Variants in FER1L5 observed in about 807,000 individuals in gnomAD.
FER1L5 encodes fer-1-like protein 5.
Under a neutral mutation model 279.9 loss-of-function variants are expected in FER1L5, and 187 were observed. That is an observed-to-expected ratio of 0.67 (90% CI 0.59 to 0.75). The LOEUF is 0.75. Ranked by LOEUF, FER1L5 falls within the 30% of genes least tolerant of loss-of-function variation. The pLI is 0.00. For missense variants in FER1L5, 2,091 were observed against 2,594.4 expected, an observed-to-expected ratio of 0.81 and a Z score of 4.21; for synonymous variants, 921 against 989.7, an observed-to-expected ratio of 0.93 and a Z score of 1.30.
intron 14 of FER1L5, among the ~76,000 whole-genome samples, chr2:96,665,026 TCGC>T: frequency 6.6e-6 from 1 of 152,306 alleles, no homozygotes; most frequent in Non-Finnish European, 1.5e-5. Flanking sequence ...CTGATTTTGA[TCGC>T]CTTTCAATCT....
intron 12 of FER1L5, 99 bp from the exon 13 acceptor site, chr2:96,662,116 A>C: frequency 7.9e-7 from 1 of 1,261,570 alleles, no homozygotes; most frequent in Admixed American, 2.0e-5. Flanking sequence ...GCACCCCTCT[A>C]AATTATAGGG....
chr2:96,659,510 G>T (rs1043708069), intron 9 of FER1L5, among the ~76,000 whole-genome samples: 8 of 14,330 alleles, frequency 5.6e-4, no homozygotes, highest in South Asian at 8.2e-3. Context: ...TCTTTCTTTC[G>T]AGACAGAGTC....
Position 96,650,283 on chromosome 2 carries a change from C to G in FER1L5, c.498C>G (p.His166Gln). ...GGGCTCTGTCCTCAAAGCCTCAGCA[C>G]TTTCAGGTGAGGACCTTCCAGGTTG... ...AHRALSSKPQHFQVRVKVFEA... is the reference protein window; with the variant it reads ...AHRALSSKPQQFQVRVKVFEA... Residue 166 changes from histidine (H) to glutamine (Q), a missense_variant, in exon 6 of 53, where the codon CAC (histidine) becomes CAG (glutamine). Transcript: ENST00000624922. 2.6e-6 allele frequency: 4 copies of G among 1,551,454 alleles called. No individual in the cohort carries two copies. The highest frequency in any genetic ancestry group is 3.5e-6 in the Non-Finnish European group (4 of 1,146,750).
Position 96,704,479 on chromosome 2 carries a change from C to T in FER1L5, c.5961C>T (p.Ala1987=), listed in dbSNP as rs1558940111. The change falls in exon 53 of 53, where the codon GCC becomes GCT. Residue 1987 remains alanine (A), a synonymous_variant. Coordinates refer to ENST00000624922, the MANE Select transcript of FER1L5 (RefSeq NM_001293083.2). ...TCTGTTCTCTCTAGCACTATTTGGC[C>T]ATGAGCTGGATCAAACCTCAACTTC... ...NFIYSAPHYL[A]MSWIKPQLQL... 2 of 1,613,924 alleles carry T rather than the reference C, an allele frequency of 1.2e-6. No individual in the cohort carries two copies. Among genetic ancestry groups the T allele is most frequent in the Non-Finnish European group, 1.7e-6 (2 of 1,179,886 alleles).
intron 43 of FER1L5, 75 bp from the exon 44 acceptor site, chr2:96,699,857 T>A: frequency 1.3e-6 from 2 of 1,586,806 alleles, no homozygotes; most frequent in Non-Finnish European, 1.7e-6. Flanking sequence ...CTTCCACCCG[T>A]GGTCAACCTG....
chr2:96,653,378 G>A (rs775648649), intron 7 of FER1L5: 19 of 464,680 alleles, frequency 4.1e-5, no homozygotes, highest in South Asian at 2.5e-4. Context: ...TTCAGCATTC[G>A]TAATAATGAA....
In FER1L5 at chr2:96,691,637, G is replaced by C. The variant is rs1273102460; in HGVS notation, c.3075+25G>C. ...GGTAAAGCCTCACAGGCTGGGTGATGCCTGCCTGTAACCCCACCTCCCAGA... is the reference window on the plus strand; with the variant it reads ...GGTAAAGCCTCACAGGCTGGGTGATCCCTGCCTGTAACCCCACCTCCCAGA... On this transcript the variant is annotated intron_variant, in intron 29 of 52. Coordinates refer to ENST00000624922, the MANE Select transcript of FER1L5 (RefSeq NM_001293083.2). The surrounding 1 kb of genome is among the most constrained non-coding windows in gnomAD (Gnocchi z 6.0). The C allele has an allele frequency of 1.3e-6, 2 of 1,508,928 alleles. No individual in the cohort carries two copies. The highest frequency in any genetic ancestry group is 1.8e-6 in the Non-Finnish European group (2 of 1,125,636). The allele number at this position is 1,508,928 out of a possible 1,614,324, so 93.5% of individuals were successfully genotyped here.
Position 96,649,672 on chromosome 2 carries a change from A to G in FER1L5, c.389A>G (p.Lys130Arg). 3 of 1,551,604 alleles carry G rather than the reference A, an allele frequency of 1.9e-6. No homozygotes were observed. The East Asian group carries it at 7.3e-5, about 38-fold the overall frequency. ...VAHMSNQDIE[K>R]TGAEDHLGIT... ...CACATGAGCAACCAGGATATTGAGA[A>G]GACAGGTATGTCCTTCCCTGGAGCT... The change falls in exon 5 of 53, where the codon AAG becomes AGG. Residue 130 changes from lysine (K) to arginine (R), a missense_variant. By Grantham distance (26) the Lys-to-Arg change is conservative (BLOSUM62 2). Coordinates refer to ENST00000624922, the MANE Select transcript of FER1L5 (RefSeq NM_001293083.2).
At chr2:96,700,498 G>T in intron 45 of FER1L5, 27 bp downstream of exon 45, 1 of 1,611,144 alleles carries the variant, frequency 6.2e-7, no homozygotes, top group Non-Finnish European at 8.5e-7. Flanking sequence ...GCCACTCCTG[G>T]CTCCTACAGG....
rs765607780 is a variant in FER1L5 at position 96,647,181 on chromosome 2, C to T, written c.230+26C>T. On this transcript the variant is annotated intron_variant, in intron 3 of 52. Transcript: ENST00000624922. Reference sequence around the variant, plus strand: ...GTGAGGCAGAGAGAGGCAGGAGGAGCCTAGCTCCTGACCAACGCAGCAGCA... The same window carrying T: ...GTGAGGCAGAGAGAGGCAGGAGGAGTCTAGCTCCTGACCAACGCAGCAGCA... The T allele has an allele frequency of 6.9e-5, 107 of 1,548,074 alleles. 3 individuals carry two copies. The South Asian group carries it at 1.3e-3, about 18-fold the overall frequency.
In FER1L5 at chr2:96,684,343, T is replaced by G. The variant is rs1219167467; in HGVS notation, c.1686T>G (p.Tyr562Ter). 6.4e-7 allele frequency: 1 copy of G among 1,551,512 alleles called. No individual in the cohort carries two copies. The highest frequency in any genetic ancestry group is 8.7e-7 in the Non-Finnish European group (1 of 1,146,948). Reference sequence around the variant, plus strand: ...GTGTCTCAGGGAACATCTACCATTATGTGCCCTGGTACAACACCAAGCCTG... The same window carrying G: ...GTGTCTCAGGGAACATCTACCATTAGGTGCCCTGGTACAACACCAAGCCTG... ...PVIYDGNIYH[Y>*]VPWYNTKPVV... The change falls in exon 20 of 53, where the codon TAT (tyrosine) becomes TAG (stop). Residue 562 changes from tyrosine (Y) to a stop codon, truncating the protein, a stop_gained. Transcript: ENST00000624922. LOFTEE classifies it high-confidence loss of function.
intron 14 of FER1L5, among the ~76,000 whole-genome samples, chr2:96,666,633 C>G (rs1351887209): frequency 7.2e-5 from 11 of 151,798 alleles, no homozygotes; most frequent in Non-Finnish European, 1.6e-4. Context: ...CACATGGACA[C>G]ATGGATTTTT....
At chr2:96,692,816 T>C (rs1307733842) in intron 31 of FER1L5, among the ~76,000 whole-genome samples, 1 of 152,042 alleles carries the variant, frequency 6.6e-6, no homozygotes, top group African/African-American at 2.4e-5. Context: ...TCCCTTGGGC[T>C]TCACCACCCA....
At chr2:96,671,586 T>C (rs2106578722) in intron 18 of FER1L5, among the ~76,000 whole-genome samples, 1 of 152,280 alleles carries the variant, frequency 6.6e-6, no homozygotes, top group Admixed American at 6.5e-5. Context: ...ATAGACCAGC[T>C]CTGGAGCCTA....
intron 9 of FER1L5, among the ~76,000 whole-genome samples, chr2:96,659,408 T>TCCTTTCTTTCCTTTCTTTCCTTTCTTTC (rs1460200004): frequency 1.8e-4 from 1 of 5,476 alleles, no homozygotes. Context: ...TTTCTTTCTT[T>TCCTTTCTTTCCTTTCTTTCCTTTCTTTC]CTTTCTTTCT....
rs566751027 is a variant in FER1L5, at chr2:96,696,101, C to G, written c.4083+24C>G. The G allele has an allele frequency of 4.9e-5, 79 of 1,613,488 alleles. No individual in the cohort carries two copies. The East Asian group carries it at 1.7e-3, about 34-fold the overall frequency. Reference sequence around the variant, plus strand: ...ACGTAAGTAAGGGCTGCAGGCCCACCTTCTCCCATACTGTTGACGGGGTAT... The same window carrying G: ...ACGTAAGTAAGGGCTGCAGGCCCACGTTCTCCCATACTGTTGACGGGGTAT... On this transcript the variant is annotated intron_variant, in intron 37 of 52. Coordinates refer to ENST00000624922, the MANE Select transcript of FER1L5 (RefSeq NM_001293083.2).
At chr2:96,696,358 T>A (rs2077378780) in intron 37 of FER1L5, among the ~76,000 whole-genome samples, 1 of 151,990 alleles carries the variant, frequency 6.6e-6, no homozygotes, top group South Asian at 2.1e-4. Flanking sequence ...AGTGGCACAA[T>A]CTTGGCTCAC....
chr2:96,699,749 A>G lies in FER1L5; in HGVS notation c.4781+29A>G, dbSNP rs2077523036. ...AGAGTGGGCCCGTCTGGGGGAAGGG[A>G]GTCAGGTGGGGTGGAAGAGTGAGCC... On this transcript the variant is annotated intron_variant, in intron 43 of 52. Coordinates refer to ENST00000624922, the MANE Select transcript of FER1L5 (RefSeq NM_001293083.2). The G allele has an allele frequency of 2.5e-6, 4 of 1,611,560 alleles. No individual in the cohort carries two copies. In the African/African-American group the frequency reaches 5.3e-5, roughly 22 times the overall value.
chr2:96,693,384 C>A, intron 31 of FER1L5, 122 bp from the exon 32 acceptor site: 1 of 999,282 alleles, frequency 1.0e-6, no homozygotes, highest in Non-Finnish European at 1.4e-6. Context: ...TCTGGGAGGC[C>A]TCAGTGGCTG....
Sources: gnomAD v4.1 joint callset for allele counts (sites outside exome capture counted in the v4.1 genomes callset) on GRCh38, gnomAD v4.1.1 for gene constraint, Gnocchi (gnomAD v3.1) non-coding constraint, MANE v1.5 for transcripts, NCBI Gene and HGNC (gene_info 2026-07-23, HGNC 2026-07-21) for gene names.